PHF20L1: variants seen among roughly 807,000 people sequenced by gnomAD.
PHF20L1 encodes the protein PHD finger protein 20 like 1, also known as PHD finger protein 20-like protein 1.
PHF20L1 carries 44 observed loss-of-function variants against 125.5 expected under a neutral mutation model. That is an observed-to-expected ratio of 0.35 (90% CI 0.28 to 0.45). PHF20L1 has a LOEUF of 0.45. Ranked by LOEUF, PHF20L1 falls within the 20% of genes least tolerant of loss-of-function variation. The probability of loss-of-function intolerance (pLI) is 1.00; values close to 1 mark genes in which losing one functional copy is unlikely to be tolerated. For synonymous variants in PHF20L1, 380 were observed against 403.1 expected (o/e 0.94, Z 0.69); for missense variants, 1,012 against 1,217.2 (o/e 0.83, Z 2.51).
In PHF20L1 at chr8:132,794,525, C is replaced by G; in HGVS notation, c.199C>G (p.Pro67Ala). ...TTACTGGGATAGCAATAGATTGCGA[C>G]CCCTTGAGAGACCAGCACTAAGAAA... ...WIYWDSNRLR[P>A]LERPALRKEG... The change falls in exon 3 of 21, where the codon CCC (proline) becomes GCC (alanine). Residue 67 changes from proline to alanine, a missense_variant. Physicochemically the swap from Pro to Ala is conservative, Grantham distance 27. This residue lies in a region of PHF20L1 where 94 missense variants were observed against 179.5 expected (regional missense o/e 0.52). Transcript: ENST00000395386. 1 of 1,611,512 alleles carries G rather than the reference C, an allele frequency of 6.2e-7. No individual in the cohort carries two copies. The highest frequency in any genetic ancestry group is 1.1e-5 in the South Asian group (1 of 91,022).
chr8:132,812,164 T>G (rs1834469702), intron 9 of PHF20L1: 1 of 980,334 alleles, frequency 1.0e-6, no homozygotes, highest in South Asian at 4.7e-5. Context: ...ATTGTCAATA[T>G]ATCAACCAAA....
chr8:132,794,363 A>T (rs1275369299), intron 2 of PHF20L1, 47 bp from the exon 3 acceptor site: 1 of 1,227,688 alleles, frequency 8.1e-7, no homozygotes, highest in Admixed American at 1.8e-5. Context: ...CTTTGTATAA[A>T]CAAATATAAG....
intron 4 of PHF20L1, among the ~76,000 whole-genome samples, chr8:132,795,170 A>ATT (rs1417312413): frequency 6.6e-6 from 1 of 152,110 alleles, no homozygotes; most frequent in African/African-American, 2.4e-5. Flanking sequence ...AAGGTTAAAG[A>ATT]TTTAGGGGAA....
intron 17 of PHF20L1, chr8:132,839,147 A>G (rs1837672366): frequency 8.7e-6 from 4 of 461,286 alleles, no homozygotes; most frequent in East Asian, 7.0e-5. Context: ...TCCCTTTGCA[A>G]GTGTCATCTG....
At chr8:132,833,102 G>A (rs149059889) in intron 15 of PHF20L1, among the ~76,000 whole-genome samples, 151 of 152,164 alleles carry the variant, frequency 9.9e-4, no homozygotes, top group African/African-American at 3.4e-3. Context: ...TGAGGGCTGT[G>A]GCATAAGAGT....
chr8:132,780,563 A>G (rs1430480353), intron 2 of PHF20L1, among the ~76,000 whole-genome samples: 1 of 151,976 alleles, frequency 6.6e-6, no homozygotes, highest in Non-Finnish European at 1.5e-5. Context: ...TATTTTTTGC[A>G]TCCATATTGA....
At chr8:132,832,630 T>G (rs1394106123) in intron 15 of PHF20L1, among the ~76,000 whole-genome samples, 3 of 152,058 alleles carry the variant, frequency 2.0e-5, no homozygotes, top group Admixed American at 1.3e-4. Context: ...TGTATATACT[T>G]CTGTAGGTTT....
At chr8:132,839,820 C>T (rs1200644062) in intron 18 of PHF20L1, among the ~76,000 whole-genome samples, 2 of 152,138 alleles carry the variant, frequency 1.3e-5, no homozygotes, top group Admixed American at 6.6e-5. Context: ...AGTATTTCAA[C>T]ACATTTTAGC....
chr8:132,814,921 A>T, intron 10 of PHF20L1, 32 bp downstream of exon 10: 1 of 1,432,508 alleles, frequency 7.0e-7, no homozygotes, highest in Non-Finnish European at 9.6e-7. Context: ...ATAGTTATTT[A>T]TCCTATAAGA....
chr8:132,794,681 G>C, intron 3 of PHF20L1, 52 bp from the exon 4 acceptor site: 1 of 1,511,596 alleles, frequency 6.6e-7, no homozygotes, highest in Non-Finnish European at 9.1e-7. Context: ...TTTTTGTTAA[G>C]AAATGCTTAT....
intron 19 of PHF20L1, chr8:132,843,522 A>T (rs541239491): frequency 1.0e-6 from 1 of 984,738 alleles, no homozygotes; most frequent in African/African-American, 1.8e-5. Context: ...TGTATTTCGT[A>T]TCATAAAGTT....
intron 9 of PHF20L1, chr8:132,812,032 C>T (rs780726196): frequency 4.1e-6 from 4 of 983,238 alleles, no homozygotes; most frequent in East Asian, 1.1e-4. Context: ...GATAACAATG[C>T]GTTGTTTTGG....
At chr8:132,786,814 G>A (rs1467848359) in intron 2 of PHF20L1, among the ~76,000 whole-genome samples, 2 of 152,038 alleles carry the variant, frequency 1.3e-5, no homozygotes, top group Admixed American at 6.6e-5. Flanking sequence ...CACATGGTAG[G>A]CACATAAACA....
chr8:132,814,342 A>G (rs1473458412), intron 9 of PHF20L1, among the ~76,000 whole-genome samples: 2 of 151,966 alleles, frequency 1.3e-5, no homozygotes, highest in Non-Finnish European at 2.9e-5. Flanking sequence ...TTTCTATTTA[A>G]TACTGAAAAT....
chr8:132,827,020 A>G (rs1036452093), intron 14 of PHF20L1: 15 of 151,988 alleles, frequency 9.9e-5, no homozygotes, highest in African/African-American at 3.6e-4. Flanking sequence ...CACATTCTCG[A>G]ATTCTAAAGC....
intron 7 of PHF20L1, among the ~76,000 whole-genome samples, chr8:132,804,285 T>C (rs538215694): frequency 1.3e-5 from 2 of 152,090 alleles, no homozygotes; most frequent in African/African-American, 2.4e-5. Context: ...GATTTATAAC[T>C]TCTTGATAGC....
chr8:132,822,857 A>G (rs1835751984), intron 12 of PHF20L1, among the ~76,000 whole-genome samples: 1 of 151,870 alleles, frequency 6.6e-6, no homozygotes, highest in Non-Finnish European at 1.5e-5. Flanking sequence ...AGATTTTTTG[A>G]TACTGTTGTA....
At chr8:132,819,890 G>T (rs979528359) in intron 12 of PHF20L1, among the ~76,000 whole-genome samples, 1 of 151,894 alleles carries the variant, frequency 6.6e-6, no homozygotes, top group Admixed American at 6.6e-5. Context: ...GGTGTTAGTT[G>T]CTAACTGTGA....
chr8:132,810,754 G>C (rs1834294502), intron 8 of PHF20L1: 3 of 301,376 alleles, frequency 1.0e-5, no homozygotes. Flanking sequence ...CATTAAGACA[G>C]AATTTTAACT....
Sources: allele counts gnomAD v4.1 joint callset (sites outside exome capture counted in the v4.1 genomes callset), GRCh38; gene constraint gnomAD v4.1.1; regional missense constraint gnomAD v4.1.1; transcripts MANE v1.5; gene names NCBI Gene and HGNC (gene_info 2026-07-23, HGNC 2026-07-21).